KIRREL1: variants seen among roughly 807,000 people sequenced by gnomAD.
The protein encoded by KIRREL1 is kin of IRRE-like protein 1.
A neutral mutation model predicts 83.3 loss-of-function variants in KIRREL1; 25 were observed. The ratio of observed to expected loss-of-function variants is 0.30; its 90% CI spans 0.22 to 0.42. The LOEUF is 0.42. Among genes scored for constraint, KIRREL1 ranks in the 10% least tolerant of loss-of-function variants. KIRREL1 has a pLI of 1.00. For synonymous variants in KIRREL1, 388 were observed against 410.4 expected (o/e 0.95, Z 0.66); for missense variants, 812 against 1,032.3 (o/e 0.79, Z 2.92).
chr1:158,084,485 A>C lies in KIRREL1; in HGVS notation c.416A>C (p.His139Pro). The change falls in exon 4 of 15, where the codon CAC (histidine) becomes CCC (proline). Residue 139 changes from histidine (H) to proline (P), a missense_variant. This residue lies in a region of KIRREL1 where 472 missense variants were observed against 626.8 expected (regional missense o/e 0.75). Transcript: ENST00000359209. The part of the protein sequence containing the change: ...PVILLQAGTP[H>P]NLTCRAFNAK... ...ATTCTACTGCAGGCAGGCACCCCCC[A>C]CAACCTCACATGCCGGGCCTTCAAT... 6.4e-7 allele frequency: 1 copy of C among 1,551,772 alleles called. No homozygotes were observed. Among genetic ancestry groups the C allele is most frequent in the Non-Finnish European group, 8.7e-7 (1 of 1,147,012 alleles).
chr1:158,013,699 G>C lies in KIRREL1; in HGVS notation c.52+19971G>C, dbSNP rs933855413. ...AGTTCCACCTTAGTCCCCTGCCCTT[G>C]CTCCGCAACCAAGGTGTGTGTACAC... On this transcript the variant is annotated intron_variant, in intron 1 of 14. Transcript: ENST00000359209. Among the ~76,000 whole-genome samples the C allele has an allele frequency of 2.0e-5, 3 of 152,194 alleles. No homozygotes were observed. The East Asian group carries it at 5.8e-4, about 29-fold the overall frequency.
intron 1 of KIRREL1, among the ~76,000 whole-genome samples, chr1:158,041,266 C>T (rs1660619109): frequency 6.6e-6 from 1 of 152,174 alleles, no homozygotes; most frequent in Non-Finnish European, 1.5e-5. Context: ...CATTTATCCG[C>T]ATAGGTGTGC....
chr1:158,039,952 T>C (rs776420395), intron 1 of KIRREL1, among the ~76,000 whole-genome samples: 3 of 152,224 alleles, frequency 2.0e-5, no homozygotes, highest in Non-Finnish European at 4.4e-5. Flanking sequence ...TTGGCAACCA[T>C]GCCATCTCCT....
chr1:158,004,693 C>G (rs1659465984), intron 1 of KIRREL1, among the ~76,000 whole-genome samples: 1 of 152,146 alleles, frequency 6.6e-6, no homozygotes, highest in South Asian at 2.1e-4. Flanking sequence ...CCTGTAATCC[C>G]AGCACTTTGG....
chr1:158,043,087 CA>C (rs71084262), intron 1 of KIRREL1, among the ~76,000 whole-genome samples: 84,130 of 107,976 alleles, frequency 0.78, 32,604 homozygotes, highest in East Asian at 0.96. Flanking sequence ...GACTCCATCT[CA>C]AAAAAAAAAA....
chr1:158,019,810 A>G (rs1169780127), intron 1 of KIRREL1, among the ~76,000 whole-genome samples: 3 of 152,158 alleles, frequency 2.0e-5, no homozygotes, highest in African/African-American at 7.2e-5. Context: ...TTAAAGCTGC[A>G]GCAAATCAGA....
intron 8 of KIRREL1, 62 bp from the exon 9 acceptor site, chr1:158,089,440 C>T: frequency 1.3e-6 from 2 of 1,598,626 alleles, no homozygotes; most frequent in Non-Finnish European, 1.7e-6. Context: ...GATGTGGGGC[C>T]CTCATGGACC....
Position 158,087,835 on chromosome 1 carries a change from G to T in KIRREL1, c.742G>T (p.Ala248Ser). 1.2e-6 allele frequency: 2 copies of T among 1,613,992 alleles called. No individual in the cohort carries two copies. Among genetic ancestry groups the T allele is most frequent in the Non-Finnish European group, 1.7e-6 (2 of 1,179,918 alleles). Residue 248 changes from alanine (A) to serine (S), a missense_variant, in exon 6 of 15, where the codon GCC becomes TCC. Around this residue, in one of 3 missense-constraint regions of KIRREL1, gnomAD observed 472 missense variants for 626.8 expected, o/e 0.75. Transcript: ENST00000359209. ...ERVVFTCQAT[A>S]NPEILGYRWA... ...TGTTGTCTTTACCTGCCAGGCCACA[G>T]CCAACCCCGAGATCTTGGGCTACAG... is the stretch of plus-strand genomic sequence containing the variant.
intron 13 of KIRREL1, among the ~76,000 whole-genome samples, chr1:158,093,982 C>T (rs1023914469): frequency 2.6e-5 from 4 of 152,266 alleles, no homozygotes; most frequent in Non-Finnish European, 5.9e-5. Flanking sequence ...CAAAGACTTC[C>T]TTTGCCCCAC....
At chr1:158,061,848 G>A (rs561450485) in intron 1 of KIRREL1, among the ~76,000 whole-genome samples, 42 of 152,292 alleles carry the variant, frequency 2.8e-4, no homozygotes, top group African/African-American at 1.0e-3. Context: ...ACTGCCTGGA[G>A]GACGGGGATT....
In KIRREL1 at chr1:158,091,464, A is replaced by C. The variant is rs1405663520; in HGVS notation, c.1379A>C (p.Asn460Thr). 1 of 1,614,102 alleles carries C rather than the reference A, an allele frequency of 6.2e-7. No homozygotes were observed. The highest frequency in any genetic ancestry group is 8.5e-7 in the Non-Finnish European group (1 of 1,180,048). Residue 460 changes from asparagine (N) to threonine (T), a missense_variant, in exon 11 of 15, where the codon AAT becomes ACT. By Grantham distance (65) the Asn-to-Thr change is moderately conservative. Around this residue, in one of 3 missense-constraint regions of KIRREL1, gnomAD observed 472 missense variants for 626.8 expected, o/e 0.75. Transcript: ENST00000359209. Reference protein sequence around the residue: ...SGVLSTLTINNVMEADFQTHY... With the variant: ...SGVLSTLTINTVMEADFQTHY... ...GTGCTATCCACGCTCACCATCAACA[A>C]TGTCATGGAGGCCGACTTTCAGACT...
chr1:158,081,751 G>A (rs931054306), intron 3 of KIRREL1, among the ~76,000 whole-genome samples: 3 of 152,162 alleles, frequency 2.0e-5, no homozygotes, highest in African/African-American at 7.2e-5. Flanking sequence ...AGCTCACGGA[G>A]GATGGGCAGA....
chr1:158,034,496 C>CT (rs980295071), intron 1 of KIRREL1, among the ~76,000 whole-genome samples: 1 of 152,032 alleles, frequency 6.6e-6, no homozygotes, highest in Non-Finnish European at 1.5e-5. Context: ...ATCCAGTTAC[C>CT]TGGACCTTTT....
chr1:158,082,242 T>G (rs1357155216), intron 3 of KIRREL1, among the ~76,000 whole-genome samples: 10 of 152,072 alleles, frequency 6.6e-5, no homozygotes, highest in Non-Finnish European at 1.5e-4. Flanking sequence ...GCCCTGCACA[T>G]CATAGTCTAT....
intron 1 of KIRREL1, among the ~76,000 whole-genome samples, chr1:158,055,750 C>T (rs186569941): frequency 6.6e-6 from 1 of 152,216 alleles, no homozygotes; most frequent in African/African-American, 2.4e-5. Context: ...CAAACCTACC[C>T]ACCTTGATAT....
chr1:158,066,203 C>T (rs189839607), intron 1 of KIRREL1, among the ~76,000 whole-genome samples: 3 of 152,160 alleles, frequency 2.0e-5, no homozygotes, highest in African/African-American at 7.2e-5. Context: ...CCCTCCCTCC[C>T]TCCCTGACCC....
intron 1 of KIRREL1, among the ~76,000 whole-genome samples, chr1:158,069,085 C>G (rs1661435115): frequency 6.6e-6 from 1 of 152,124 alleles, no homozygotes; most frequent in Non-Finnish European, 1.5e-5. Flanking sequence ...GTGCTTGGCC[C>G]CATTCCCTCT....
chr1:158,026,848 T>G (rs754505251), intron 1 of KIRREL1, among the ~76,000 whole-genome samples: 4 of 151,950 alleles, frequency 2.6e-5, no homozygotes, highest in Admixed American at 6.6e-5. Flanking sequence ...AAGCAAACTG[T>G]TTTTCCTCTG....
chr1:158,094,691 G>A lies in KIRREL1; in HGVS notation c.1845G>A (p.Pro615=), dbSNP rs138219114. 3.5e-4 allele frequency: 569 copies of A among 1,610,964 alleles called. 2 individuals carry two copies. The African/African-American group carries it at 6.7e-3, about 19-fold the overall frequency. ...YYNVRAHEDR[P]SSRAVLYADY... ...ACGTGCGTGCCCATGAAGACCGCCC[G>A]TCTTCCAGGGCAGTGCTCTATGCTG... The change falls in exon 15 of 15, where the codon CCG becomes CCA. Residue 615 remains proline (P), a synonymous_variant. Transcript: ENST00000359209. This position sits in a 1 kb window ranked among gnomAD's most constrained non-coding sequence, Gnocchi z 4.6.
Sources: gnomAD v4.1 joint callset for allele counts (sites outside exome capture counted in the v4.1 genomes callset) on GRCh38, gnomAD v4.1.1 for gene constraint, gnomAD v4.1.1 regional missense constraint, Gnocchi (gnomAD v3.1) non-coding constraint, MANE v1.5 for transcripts, NCBI Gene and HGNC (gene_info 2026-07-23, HGNC 2026-07-21) for gene names.